Variants in MAF observed in about 807,000 individuals in gnomAD.
MAF encodes the protein transcription factor Maf.
In MAF, 10 loss-of-function variants were observed where a neutral mutation model predicts 22.0. The ratio of observed to expected loss-of-function variants is 0.45; its 90% CI spans 0.28 to 0.77. MAF has a LOEUF of 0.77. Among genes scored for constraint, MAF ranks in the 30% least tolerant of loss-of-function variants. The pLI is 0.12. For missense variants in MAF, 544 were observed against 548.4 expected (o/e 0.99, Z 0.08); for synonymous variants, 337 against 255.8 (o/e 1.32, Z -3.03).
chr16:79,532,590 CAAAT>C, the MAF span, among the ~76,000 whole-genome samples: 7 of 152,084 alleles, frequency 4.6e-5, no homozygotes, highest in African/African-American at 1.7e-4. Context: ...TGGTAAGAAA[CAAAT>C]AAAGTATTGA....
At chr16:79,440,379 C>A in the MAF span, among the ~76,000 whole-genome samples, 1 of 152,312 alleles carries the variant, frequency 6.6e-6, no homozygotes, top group African/African-American at 2.4e-5. Context: ...GAAGTCCCGA[C>A]CAGGTGCATG....
the MAF span, among the ~76,000 whole-genome samples, chr16:79,383,909 C>T: frequency 6.6e-6 from 1 of 152,154 alleles, no homozygotes; most frequent in Non-Finnish European, 1.5e-5. Flanking sequence ...AGATTGCAAA[C>T]TTTTCCCCCC....
chr16:79,305,487 C>G, the MAF span, among the ~76,000 whole-genome samples: 1 of 152,098 alleles, frequency 6.6e-6, no homozygotes, highest in Non-Finnish European at 1.5e-5. Context: ...CTCAGAGATG[C>G]CCCTGGTATT....
the MAF span, among the ~76,000 whole-genome samples, chr16:79,441,984 G>A: frequency 6.6e-6 from 1 of 152,218 alleles, no homozygotes; most frequent in Admixed American, 6.5e-5. Context: ...TATAGGCAGG[G>A]CTTGGAGGGC....
At chr16:79,414,773 A>C in the MAF span, among the ~76,000 whole-genome samples, 1 of 152,208 alleles carries the variant, frequency 6.6e-6, no homozygotes, top group Non-Finnish European at 1.5e-5. Flanking sequence ...ACTGTATTAG[A>C]CTCTGTAATA....
At chr16:79,226,192 T>C in the MAF span, among the ~76,000 whole-genome samples, 1 of 152,186 alleles carries the variant, frequency 6.6e-6, no homozygotes, top group African/African-American at 2.4e-5. Flanking sequence ...TGGAATACTA[T>C]GCAGCCATAA....
chr16:79,515,742 C>A, the MAF span, among the ~76,000 whole-genome samples: 1 of 152,068 alleles, frequency 6.6e-6, no homozygotes, highest in Non-Finnish European at 1.5e-5. Flanking sequence ...CTGCCTTGAC[C>A]AGGAAGAGAT....
chr16:79,595,065 A>G, intron 1 of MAF: 1 of 1,051,212 alleles, frequency 9.5e-7, no homozygotes, highest in South Asian at 4.5e-5. Context: ...CTTTTTTGTT[A>G]AAAGCATTCT....
the MAF span, among the ~76,000 whole-genome samples, chr16:79,356,713 G>C: frequency 6.6e-6 from 1 of 152,126 alleles, no homozygotes; most frequent in South Asian, 2.1e-4. Context: ...TATTATGTTT[G>C]CAGGGACATC....
chr16:79,561,643 T>G, the MAF span, among the ~76,000 whole-genome samples: 1 of 152,074 alleles, frequency 6.6e-6, no homozygotes, highest in Non-Finnish European at 1.5e-5. Flanking sequence ...AAAGGAAACA[T>G]TTTACACTGG....
At chr16:79,428,849 A>AATAATAAT in the MAF span, among the ~76,000 whole-genome samples, 1 of 146,596 alleles carries the variant, frequency 6.8e-6, no homozygotes, top group Admixed American at 6.9e-5. Context: ...TGTCTCAGAA[A>AATAATAAT]AATAATAATA....
At chr16:79,471,960 C>T in the MAF span, among the ~76,000 whole-genome samples, 1 of 152,258 alleles carries the variant, frequency 6.6e-6, no homozygotes, top group Middle Eastern at 3.4e-3. Flanking sequence ...CTCCCTCATG[C>T]GTAAGACAAA....
chr16:79,512,083 C>G, the MAF span, among the ~76,000 whole-genome samples: 1 of 152,132 alleles, frequency 6.6e-6, no homozygotes, highest in Admixed American at 6.5e-5. Context: ...CCTGTGATGG[C>G]GAACTCACTA....
chr16:79,215,812 C>A, the MAF span, among the ~76,000 whole-genome samples: 1 of 152,186 alleles, frequency 6.6e-6, no homozygotes, highest in Non-Finnish European at 1.5e-5. Context: ...CATCTTGGGT[C>A]TGTAGGAGTC....
the MAF span, among the ~76,000 whole-genome samples, chr16:79,559,064 A>G: frequency 3.3e-5 from 5 of 152,206 alleles, no homozygotes; most frequent in African/African-American, 4.8e-5. Flanking sequence ...AGCTGTTGAC[A>G]TTGATCTAAT....
the MAF span, among the ~76,000 whole-genome samples, chr16:79,560,112 C>T: frequency 8.5e-5 from 13 of 152,160 alleles, no homozygotes; most frequent in African/African-American, 2.9e-4. Context: ...GGTCTTGCTA[C>T]TTTGCCCAGG....
chr16:79,325,385 C>G, the MAF span, among the ~76,000 whole-genome samples: 1 of 152,094 alleles, frequency 6.6e-6, no homozygotes, highest in East Asian at 1.9e-4. Context: ...CTCATGGAAC[C>G]CTTACTACAG....
chr16:79,428,573 C>T, the MAF span, among the ~76,000 whole-genome samples: 3 of 152,090 alleles, frequency 2.0e-5, no homozygotes, highest in African/African-American at 4.8e-5. Context: ...GGTGCAGTGG[C>T]TCACACCTGT....
the MAF span, among the ~76,000 whole-genome samples, chr16:79,560,587 T>A: frequency 1.3e-5 from 2 of 152,256 alleles, no homozygotes; most frequent in East Asian, 3.9e-4. Flanking sequence ...GGTCTTTTTT[T>A]TTTCTTTCTG....
Sources: gnomAD v4.1 joint callset for allele counts (sites outside exome capture counted in the v4.1 genomes callset) on GRCh38, gnomAD v4.1.1 for gene constraint, MANE v1.5 for transcripts, NCBI Gene and HGNC (gene_info 2026-07-23, HGNC 2026-07-21) for gene names.